The following BOD1L1 variants were observed in gnomAD, a reference collection of about 807,000 sequenced individuals.
BOD1L1 encodes the protein biorientation of chromosomes in cell division 1 like 1, also known as biorientation of chromosomes in cell division protein 1-like 1.
Under a neutral mutation model 240.7 loss-of-function variants are expected in BOD1L1, and 86 were observed. The ratio of observed to expected loss-of-function variants is 0.36; its 90% confidence interval spans 0.30 to 0.43. The LOEUF is 0.43. BOD1L1 is among the 20% of genes least tolerant of loss of function. BOD1L1 has a pLI of 1.00. For missense variants in BOD1L1, 3,554 were observed against 3,643.5 expected, an observed-to-expected ratio of 0.98 and a Z score of 0.63; for synonymous variants, 1,268 against 1,272.3, an observed-to-expected ratio of 1.00 and a Z score of 0.07.
At position 13,601,178 on chromosome 4, in the gene BOD1L1, T is replaced by C; in HGVS notation, c.5722A>G (p.Ile1908Val). The C allele has an allele frequency of 6.2e-7, 1 of 1,614,024 alleles. No homozygotes were observed. Among genetic ancestry groups the C allele is most frequent in the Non-Finnish European group, 8.5e-7 (1 of 1,179,902 alleles). The change falls in exon 10 of 26, where the codon ATT (isoleucine) becomes GTT (valine). Residue 1908 changes from isoleucine to valine, a missense_variant. Physicochemically the swap from Ile to Val is conservative, Grantham distance 29 (BLOSUM62 3). Transcript: ENST00000040738. ...ICESAEGDSQ[I>V]GTVVEHVEAE... The stretch of plus-strand genomic sequence containing the variant: ...TCCACATGCTCTACCACAGTACCAA[T>C]CTGACTGTCCCCTTCTGCACTTTCA...
At position 13,599,514 on chromosome 4, in the gene BOD1L1, C is replaced by G. The variant is rs548879998; in HGVS notation, c.7386G>C (p.Lys2462Asn). The change falls in exon 10 of 26, where the codon AAG (lysine) becomes AAC (asparagine). Residue 2462 changes from lysine (K) to asparagine (N), a missense_variant. Around this residue, in one of 2 missense-constraint regions of BOD1L1, gnomAD observed 3,393 missense variants for 3,427.1 expected, o/e 0.99. Transcript: ENST00000040738. Reference sequence around the variant, plus strand: ...TCTGAAGGGAGTTCAACAATACATTCTTCTCTTCTGCATTTATGAGGTGTA... The same window carrying G: ...TCTGAAGGGAGTTCAACAATACATTGTTCTCTTCTGCATTTATGAGGTGTA... ...STLHLINAEE[K>N]NVLLNSLQKE... The G allele has an allele frequency of 6.2e-7, 1 of 1,613,924 alleles. No individual in the cohort carries two copies. The highest frequency in any genetic ancestry group is 8.5e-7 in the Non-Finnish European group (1 of 1,179,904).
In BOD1L1 at chr4:13,620,849, C is replaced by T. The variant is rs1228000556; in HGVS notation, c.244-782G>A. Among the ~76,000 whole-genome samples the T allele has an allele frequency of 3.3e-5, 5 of 152,184 alleles. No individual in the cohort carries two copies. In the South Asian group the frequency reaches 6.2e-4, roughly 19 times the overall value. On this transcript the variant is annotated intron_variant, in intron 1 of 25. Coordinates refer to ENST00000040738, the MANE Select transcript of BOD1L1 (RefSeq NM_148894.3). ...AAGAGAAATTATTGAGGGACAACTA[C>T]TTGAACTAGGCATTAAATCTGAGGT...
intron 1 of BOD1L1, among the ~76,000 whole-genome samples, chr4:13,626,518 G>C (rs964863268): frequency 2.6e-5 from 4 of 152,146 alleles, no homozygotes; most frequent in African/African-American, 9.6e-5. Context: ...TGGTGTCTTT[G>C]GCTAATTCTT....
intron 12 of BOD1L1, chr4:13,592,275 A>C: frequency 3.6e-6 from 1 of 279,552 alleles, no homozygotes. Flanking sequence ...AAAAAAAGTA[A>C]AAGACCTTAA....
Position 13,603,338 on chromosome 4 carries a change from C to T in BOD1L1, c.3562G>A (p.Gly1188Arg), listed in dbSNP as rs1157463894. 20 of 1,614,036 alleles carry T rather than the reference C, an allele frequency of 1.2e-5. No individual in the cohort carries two copies. The highest frequency in any genetic ancestry group is 1.7e-5 in the Non-Finnish European group (20 of 1,179,898). ...APAYKPGRGT[G>R]VNSNSEKHAD... ...TGCTTTTCAGAATTACTATTAACTC[C>T]TGTTCCACGGCCTGGCTTATAAGCT... The change falls in exon 10 of 26, where the codon GGA becomes AGA. Residue 1188 changes from glycine (G) to arginine (R), a missense_variant. By Grantham distance (125) the Gly-to-Arg change is moderately radical (BLOSUM62 -2). Coordinates refer to ENST00000040738, the MANE Select transcript of BOD1L1 (RefSeq NM_148894.3).
intron 16 of BOD1L1, among the ~76,000 whole-genome samples, 195 bp from the exon 17 acceptor site, chr4:13,586,670 A>G (rs549788407): frequency 1.3e-5 from 2 of 152,360 alleles, no homozygotes; most frequent in East Asian, 3.9e-4. Flanking sequence ...AAGTAAAAAT[A>G]AAACAAAATA....
At chr4:13,620,371 C>G (rs550577925) in intron 1 of BOD1L1, among the ~76,000 whole-genome samples, 3 of 152,236 alleles carry the variant, frequency 2.0e-5, no homozygotes, top group East Asian at 3.9e-4. Context: ...AGGAAGCATG[C>G]CTTCACTGAA....
At chr4:13,584,441 A>AGAGAGT (rs1476066597) in intron 17 of BOD1L1, among the ~76,000 whole-genome samples, 1 of 134,814 alleles carries the variant, frequency 7.4e-6, no homozygotes, top group Non-Finnish European at 1.6e-5. Context: ...AGAGAGAGAG[A>AGAGAGT]GTGTGTGTGT....
Position 13,590,445 on chromosome 4 carries a change from A to C in BOD1L1, c.8150T>G (p.Val2717Gly). 6.8e-7 allele frequency: 1 copy of C among 1,465,004 alleles called. No homozygotes were observed. Among genetic ancestry groups the C allele is most frequent in the Non-Finnish European group, 9.4e-7 (1 of 1,066,050 alleles). 90.8% of individuals were successfully genotyped at this position (1,465,004 alleles called of 1,614,324 possible). ...EPLLVNESLN[V>G]ENSGFRTNEE... is the part of the protein sequence containing the mutation. ...ATTTGTTCTGAAGCCTGAATTTTCA[A>C]CCTAAATATACAATATAAAAGATAT... is the stretch of plus-strand genomic sequence containing the variant. Residue 2717 changes from valine to glycine, a missense_variant and splice_region_variant, in exon 14 of 26, where the codon GTT (valine) becomes GGT (glycine). This residue lies in a region of BOD1L1 where 3,393 missense variants were observed against 3,427.1 expected (regional missense o/e 0.99). Coordinates refer to ENST00000040738, the MANE Select transcript of BOD1L1 (RefSeq NM_148894.3).
Position 13,599,352 on chromosome 4 carries a change from A to G in BOD1L1, c.7548T>C (p.Ala2516=). 1 of 1,613,956 alleles carries G rather than the reference A, an allele frequency of 6.2e-7. No homozygotes were observed. Among genetic ancestry groups the G allele is most frequent in the East Asian group, 2.2e-5 (1 of 44,878 alleles). Residue 2516 remains alanine (A), a synonymous_variant, in exon 10 of 26, where the codon GCT becomes GCC. Coordinates refer to ENST00000040738, the MANE Select transcript of BOD1L1 (RefSeq NM_148894.3). ...AGCGAATGCTGACAGAGGGATCCTT[A>G]GCCGTCTGCCCAGACGTCTGTTCTG... ...RGPEQTSGQT[A]KDPSVSIRYL...
rs1296061440 is a variant in BOD1L1 at position 13,582,227 on chromosome 4, C to T, written c.8592+10G>A. On this transcript the variant is annotated intron_variant, in intron 19 of 25. Coordinates refer to ENST00000040738, the MANE Select transcript of BOD1L1 (RefSeq NM_148894.3). The stretch of plus-strand genomic sequence containing the variant: ...ATTGTGAACAAACAAATACGAAAAG[C>T]ACATCTCACCTCCTGAGATTTTATG... 1 of 1,603,694 alleles carries T rather than the reference C, an allele frequency of 6.2e-7. No homozygotes were observed. The highest frequency in any genetic ancestry group is 8.5e-7 in the Non-Finnish European group (1 of 1,173,328).
In BOD1L1 at chr4:13,601,858, ATAAAAG is replaced by A; in HGVS notation, c.5036_5041del (p.Thr1679_Phe1680del). ...TGCTCCATCACTTTCAACTTCACTA[ATAAAAG>A]TAATAGTTCCTTCAACTATTTCTGA... On this transcript the variant is annotated inframe_deletion, in exon 10 of 26. Transcript: ENST00000040738. The A allele has an allele frequency of 2.5e-6, 4 of 1,613,934 alleles. No individual in the cohort carries two copies. The highest frequency in any genetic ancestry group is 3.4e-6 in the Non-Finnish European group (4 of 1,179,882).
rs188564359 is a variant in BOD1L1 at position 13,582,600 on chromosome 4, G to T, written c.8518+52C>A. ...AATAGACGTTTCGGTTGAGAGACAC[G>T]CTGGCTGCTTTGAAGGCTCAGTCAA... On this transcript the variant is annotated intron_variant, in intron 18 of 25. Transcript: ENST00000040738. 77 of 1,358,900 alleles carry T rather than the reference G, an allele frequency of 5.7e-5. No individual in the cohort carries two copies. In the African/African-American group the frequency reaches 9.5e-4, roughly 17 times the overall value. 84.2% of individuals were successfully genotyped at this position (1,358,900 alleles called of 1,614,324 possible).
chr4:13,619,387 A>T (rs1386605592), intron 2 of BOD1L1, among the ~76,000 whole-genome samples: 1 of 151,650 alleles, frequency 6.6e-6, no homozygotes, highest in Non-Finnish European at 1.5e-5. Flanking sequence ...TATAATTGTC[A>T]TTACCTTATG....
Position 13,600,278 on chromosome 4 carries a change from T to C in BOD1L1, c.6622A>G (p.Thr2208Ala). Residue 2208 changes from threonine (T) to alanine (A), a missense_variant, in exon 10 of 26, where the codon ACC becomes GCC. Around this residue, in one of 2 missense-constraint regions of BOD1L1, gnomAD observed 3,393 missense variants for 3,427.1 expected, o/e 0.99. Coordinates refer to ENST00000040738, the MANE Select transcript of BOD1L1 (RefSeq NM_148894.3). ...PPEAESPLAS[T>A]SKEEKDECAL... Reference sequence around the variant, plus strand: ...CATTCATCCTTCTCCTCCTTGCTGGTTGAGGCAAGAGGACTTTCAGCTTCT... The same window carrying C: ...CATTCATCCTTCTCCTCCTTGCTGGCTGAGGCAAGAGGACTTTCAGCTTCT... 1 of 1,614,070 alleles carries C rather than the reference T, an allele frequency of 6.2e-7. No individual in the cohort carries two copies. The highest frequency in any genetic ancestry group is 1.1e-5 in the South Asian group (1 of 91,084).
Position 13,595,485 on chromosome 4 carries a change from G to A in BOD1L1, c.8104+375C>T, listed in dbSNP as rs144045697. Among the ~76,000 whole-genome samples, 559 of 152,320 alleles carry A rather than the reference G, an allele frequency of 3.7e-3. 2 individuals are homozygous for A. Among genetic ancestry groups the A allele is most frequent in the African/African-American group, 0.012 (507 of 41,574 alleles). ...TGAGCAAGAGACAAGAGCAAATGGT[G>A]TAAAGTGGGCCCTTATCCTCAGACT... is the stretch of plus-strand genomic sequence containing the variant. On this transcript the variant is annotated intron_variant, in intron 12 of 25. Coordinates refer to ENST00000040738, the MANE Select transcript of BOD1L1 (RefSeq NM_148894.3).
In BOD1L1 at chr4:13,603,909, T is replaced by C. The variant is rs747211283; in HGVS notation, c.2991A>G (p.Ala997=). The part of the protein sequence containing the change: ...DSSHRAKLPL[A]KEKYKSDKDS... ...CTTTATCACTCTTATATTTCTCCTT[T>C]GCTAATGGTAACTTGGCTCTATGAC... The change falls in exon 10 of 26, where the codon GCA becomes GCG. Residue 997 remains alanine (A), a synonymous_variant. Transcript: ENST00000040738. 6.2e-7 allele frequency: 1 copy of C among 1,613,958 alleles called. No homozygotes were observed. Among genetic ancestry groups the C allele is most frequent in the Non-Finnish European group, 8.5e-7 (1 of 1,179,890 alleles).
At chr4:13,624,446 T>A (rs1717246853) in intron 1 of BOD1L1, 1 of 152,214 alleles carries the variant, frequency 6.6e-6, no homozygotes, top group Non-Finnish European at 1.5e-5. Context: ...TTAGACCAAG[T>A]CTTGTTCTGT....
rs900773515 is a variant in BOD1L1, at chr4:13,582,387, C to T, written c.8519-77G>A. 4 of 1,081,770 alleles carry T rather than the reference C, an allele frequency of 3.7e-6. No individual in the cohort carries two copies. In the African/African-American group the frequency reaches 4.7e-5, roughly 13 times the overall value. 67.0% of individuals were successfully genotyped at this position (1,081,770 alleles called of 1,614,324 possible). ...CCCACCTTTACCCAGGTGACCTACA[C>T]AGCTGCAGCCACACATAACCACACA... On this transcript the variant is annotated intron_variant, in intron 18 of 25. Transcript: ENST00000040738.
Sources: gnomAD v4.1 joint callset for allele counts (sites outside exome capture counted in the v4.1 genomes callset) on GRCh38, gnomAD v4.1.1 for gene constraint, gnomAD v4.1.1 regional missense constraint, MANE v1.5 for transcripts, NCBI Gene and HGNC (gene_info 2026-07-23, HGNC 2026-07-21) for gene names.